The following TSGA10 variants were observed in gnomAD, a reference collection of about 807,000 sequenced individuals.
TSGA10 encodes the protein testis specific 10.
In TSGA10, 43 loss-of-function variants were observed where a neutral mutation model predicts 96.6. The observed-to-expected ratio is 0.44, with a 90% CI of 0.35 to 0.57. The LOEUF is 0.57. Among genes scored for constraint, TSGA10 ranks in the 20% least tolerant of loss-of-function variants. The pLI is 0.01. For synonymous variants in TSGA10, 229 were observed against 269.9 expected (o/e 0.85, Z 1.48); for missense variants, 703 against 834.4 (o/e 0.84, Z 1.94).
At chr2:99,105,478 C>G (rs1322644429) in intron 8 of TSGA10, 42 bp from the exon 9 acceptor site, 1 of 1,613,424 alleles carries the variant, frequency 6.2e-7, no homozygotes. Context: ...TTTCAATATC[C>G]CTGAATTTGT....
intron 20 of TSGA10, among the ~76,000 whole-genome samples, chr2:98,998,639 G>T (rs1026386384): frequency 2.0e-5 from 3 of 152,140 alleles, no homozygotes; most frequent in Non-Finnish European, 4.4e-5. Flanking sequence ...TGGTGCTGAT[G>T]GAACAACTTC....
chr2:99,146,907 G>T (rs764338919), intron 1 of TSGA10: 1 of 152,370 alleles, frequency 6.6e-6, no homozygotes, highest in Non-Finnish European at 1.5e-5. Flanking sequence ...GATTACAGGC[G>T]TGAGCCACCG....
intron 2 of TSGA10, among the ~76,000 whole-genome samples, chr2:99,124,400 T>C (rs1450476412): frequency 6.6e-6 from 1 of 152,176 alleles, no homozygotes; most frequent in Non-Finnish European, 1.5e-5. Flanking sequence ...TTGGAAATAT[T>C]TTCTCTCATG....
chr2:99,150,836 G>T, intron 1 of TSGA10: 1 of 1,574,352 alleles, frequency 6.4e-7, no homozygotes, highest in Non-Finnish European at 8.6e-7. Context: ...GTGGAATGAA[G>T]CAATTTGTAC....
At chr2:99,067,672 G>A (rs1447738543) in intron 15 of TSGA10, among the ~76,000 whole-genome samples, 4 of 151,984 alleles carry the variant, frequency 2.6e-5, no homozygotes, top group Non-Finnish European at 4.4e-5. Context: ...GGCTAACATG[G>A]CGAAACCCCG....
At chr2:99,035,901 T>C (rs1255301948) in intron 16 of TSGA10, among the ~76,000 whole-genome samples, 1 of 152,118 alleles carries the variant, frequency 6.6e-6, no homozygotes, top group Admixed American at 6.5e-5. Flanking sequence ...CATAATGTCA[T>C]AAAATGAAAA....
chr2:99,151,026 G>GA, intron 1 of TSGA10: 1 of 445,892 alleles, frequency 2.2e-6, no homozygotes, highest in Non-Finnish European at 4.0e-6. Context: ...GCTTTAGGGT[G>GA]AAAAAGCCTT....
chr2:99,054,402 G>A (rs1003504034), intron 16 of TSGA10, among the ~76,000 whole-genome samples: 2 of 152,020 alleles, frequency 1.3e-5, no homozygotes, highest in Admixed American at 6.6e-5. Context: ...GACCTGAAAC[G>A]GTAAAACTGC....
At chr2:99,032,042 T>C (rs2081185177) in intron 17 of TSGA10, among the ~76,000 whole-genome samples, 1 of 152,332 alleles carries the variant, frequency 6.6e-6, no homozygotes, top group African/African-American at 2.4e-5. Context: ...GAAAATTAAG[T>C]TGCATCTGGT....
At chr2:99,069,048 A>G (rs756901504) in intron 14 of TSGA10, 50 bp from the exon 15 acceptor site, 12 of 982,616 alleles carry the variant, frequency 1.2e-5, no homozygotes, top group Non-Finnish European at 1.6e-5. Context: ...AAAAATTTCT[A>G]TATCTCAAAA....
chr2:99,104,527 T>C (rs2091126447), intron 9 of TSGA10, among the ~76,000 whole-genome samples: 1 of 152,092 alleles, frequency 6.6e-6, no homozygotes, highest in African/African-American at 2.4e-5. Flanking sequence ...CAGGTTGAAG[T>C]GCAGTGGCGC....
Position 99,002,813 on chromosome 2 carries a change from A to C in TSGA10, c.2073-4592T>G, listed in dbSNP as rs897545286. Among the ~76,000 whole-genome samples, 18 of 152,278 alleles carry C rather than the reference A, an allele frequency of 1.2e-4. 1 individual carries two copies. The highest frequency in any genetic ancestry group is 1.9e-4 in the East Asian group (1 of 5,176). ...AAGGTCTAACAAGCAAATGGAAAAC[A>C]ACAACAACAAAAAGCAGGGGTTACA... On this transcript the variant is annotated intron_variant, in intron 20 of 20. Coordinates refer to ENST00000393483, the MANE Select transcript of TSGA10 (RefSeq NM_025244.4).
chr2:99,120,495 T>C (rs1169388979), intron 2 of TSGA10, among the ~76,000 whole-genome samples: 1 of 152,184 alleles, frequency 6.6e-6, no homozygotes, highest in Non-Finnish European at 1.5e-5. Context: ...TTTCTTCTGT[T>C]AAAGGGACAG....
chr2:99,048,482 AG>A (rs2083032142), intron 16 of TSGA10, among the ~76,000 whole-genome samples: 1 of 152,238 alleles, frequency 6.6e-6, no homozygotes, highest in Admixed American at 6.5e-5. Context: ...AAATGGGGAA[AG>A]GATTCCCTAT....
intron 12 of TSGA10, among the ~76,000 whole-genome samples, chr2:99,074,029 T>TTTTTTTTTTTTG (rs1241657890): frequency 3.7e-5 from 5 of 136,844 alleles, no homozygotes; most frequent in African/African-American, 5.7e-5. Context: ...TTTTTTTTTT[T>TTTTTTTTTTTTG]GAGATGGAGT....
chr2:99,107,927 T>C (rs543579114), intron 7 of TSGA10, among the ~76,000 whole-genome samples: 1 of 152,272 alleles, frequency 6.6e-6, no homozygotes, highest in Non-Finnish European at 1.5e-5. Flanking sequence ...ACACATACCC[T>C]CTATTCTAGT....
At chr2:99,144,956 G>C (rs950695389) in intron 1 of TSGA10, among the ~76,000 whole-genome samples, 2 of 152,172 alleles carry the variant, frequency 1.3e-5, no homozygotes, top group Admixed American at 1.3e-4. Context: ...AGAGTTGTTT[G>C]CTACGGCTGT....
chr2:99,129,926 T>C (rs2092999541), intron 1 of TSGA10, among the ~76,000 whole-genome samples: 1 of 152,110 alleles, frequency 6.6e-6, no homozygotes, highest in Non-Finnish European at 1.5e-5. Flanking sequence ...CTGAGAATGA[T>C]GGTTTCCAGC....
chr2:99,051,433 C>A (rs1040229103), intron 16 of TSGA10, among the ~76,000 whole-genome samples: 3 of 151,888 alleles, frequency 2.0e-5, no homozygotes, highest in Admixed American at 6.6e-5. Flanking sequence ...ATCAGAAATG[C>A]GTAAGAATAT....
Sources: gnomAD v4.1 joint callset for allele counts (sites outside exome capture counted in the v4.1 genomes callset) on GRCh38, gnomAD v4.1.1 for gene constraint, MANE v1.5 for transcripts, NCBI Gene and HGNC (gene_info 2026-07-23, HGNC 2026-07-21) for gene names.